The following DPYSL2 variants were observed in gnomAD, a reference collection of about 807,000 sequenced individuals.
DPYSL2 encodes dihydropyrimidinase like 2, also known as dihydropyrimidinase-related protein 2.
A neutral mutation model predicts 69.9 loss-of-function variants in DPYSL2; 13 were observed. The observed-to-expected ratio is 0.19, with a 90% confidence interval of 0.12 to 0.30. The LOEUF is 0.30. Among genes scored for constraint, DPYSL2 ranks in the 10% least tolerant of loss-of-function variants. The pLI is 1.00. For synonymous variants in DPYSL2, 326 were observed against 359.1 expected (o/e 0.91, Z 1.04); for missense variants, 587 against 918.9 (o/e 0.64, Z 4.67).
Position 26,624,457 on chromosome 8 carries a change from C to T in DPYSL2, c.793+150C>T, listed in dbSNP as rs546097469. 39 of 992,084 alleles carry T rather than the reference C, an allele frequency of 3.9e-5. No individual in the cohort carries two copies. Among genetic ancestry groups the T allele is most frequent in the Admixed American group, 5.0e-5 (2 of 40,236 alleles). The allele number at this position is 992,084 out of a possible 1,614,324, so 61.5% of individuals were successfully genotyped here. On this transcript the variant is annotated intron_variant, in intron 4 of 13. Transcript: ENST00000521913. The surrounding 1 kb of genome is among the most constrained non-coding windows in gnomAD (Gnocchi z 4.7). ...CTGGGAAGGAGAGAGGGCTTTGGGC[C>T]GCAGCTTATGCTGTTTGGAGGTGGC...
At position 26,653,918 on chromosome 8, in the gene DPYSL2, C is replaced by G. The variant is rs1268400398; in HGVS notation, c.1942+521C>G. ...TGGTTGGGTTTCAGAATCTTGAGAT[C>G]AGTTTGTGTCACACAATGCCCATAC... is the stretch of plus-strand genomic sequence containing the variant. On this transcript the variant is annotated intron_variant, in intron 13 of 13. Coordinates refer to ENST00000521913, the MANE Select transcript of DPYSL2 (RefSeq NM_001197293.3). This position sits in a 1 kb window ranked among gnomAD's most constrained non-coding sequence, Gnocchi z 5.7. Among the ~76,000 whole-genome samples, 3 of 152,180 alleles carry G rather than the reference C, an allele frequency of 2.0e-5. No individual in the cohort carries two copies. The highest frequency in any genetic ancestry group is 2.0e-4 in the Admixed American group (3 of 15,278).
intron 10 of DPYSL2, among the ~76,000 whole-genome samples, chr8:26,645,670 C>A: frequency 6.6e-6 from 1 of 152,036 alleles, no homozygotes; most frequent in Non-Finnish European, 1.5e-5. Context: ...CTGCCTCAGC[C>A]CCCTGAGTAG....
Position 26,627,524 on chromosome 8 carries a change from G to A in DPYSL2, c.936+229G>A, listed in dbSNP as rs761058172. On this transcript the variant is annotated intron_variant, in intron 6 of 13. Coordinates refer to ENST00000521913, the MANE Select transcript of DPYSL2 (RefSeq NM_001197293.3). This position sits in a 1 kb window ranked among gnomAD's most constrained non-coding sequence, Gnocchi z 6.9. ...AAGTCAGTTACTATTGCAGAGAGAG[G>A]CCATTTCTCTCGGTGCTGTAACGCA... 6.6e-6 allele frequency among the ~76,000 whole-genome samples: 1 copy of A among 152,170 alleles called. No homozygotes were observed. Among genetic ancestry groups the A allele is most frequent in the Non-Finnish European group, 1.5e-5 (1 of 68,036 alleles).
chr8:26,515,695 A>T (rs1808275029), intron 1 of DPYSL2, among the ~76,000 whole-genome samples: 1 of 152,172 alleles, frequency 6.6e-6, no homozygotes, highest in Non-Finnish European at 1.5e-5. Context: ...CACAGCCTTA[A>T]TTTCTTAACT....
At position 26,644,589 on chromosome 8, in the gene DPYSL2, G is replaced by A. The variant is rs561101267; in HGVS notation, c.1425+498G>A. On this transcript the variant is annotated intron_variant, in intron 10 of 13. Transcript: ENST00000521913. This position sits in a 1 kb window ranked among gnomAD's most constrained non-coding sequence, Gnocchi z 4.5. ...CAAAGTGCTGGGATTACAGGTGTGA[G>A]CCACCACGCCTGGCTTACCTGTATA... Among the ~76,000 whole-genome samples, 2 of 152,128 alleles carry A rather than the reference G, an allele frequency of 1.3e-5. No individual in the cohort carries two copies. Among genetic ancestry groups the A allele is most frequent in the African/African-American group, 4.8e-5 (2 of 41,518 alleles).
intron 8 of DPYSL2, among the ~76,000 whole-genome samples, chr8:26,638,525 C>G (rs1000194113): frequency 7.9e-5 from 12 of 152,186 alleles, no homozygotes; most frequent in Non-Finnish European, 1.2e-4. Context: ...GCCAGCACGA[C>G]TGCATCCTGC....
At position 26,571,051 on chromosome 8, in the gene DPYSL2, A is replaced by G. The variant is rs184196924; in HGVS notation, c.355-10918A>G. On this transcript the variant is annotated intron_variant, in intron 1 of 13. Coordinates refer to ENST00000521913, the MANE Select transcript of DPYSL2 (RefSeq NM_001197293.3). This position sits in a 1 kb window ranked among gnomAD's most constrained non-coding sequence, Gnocchi z 6.1. Reference sequence around the variant, plus strand: ...GGCAGACAAGTGGAATGAGAGGGATAATATTTACCACTCTTTCATAATGTT... The same window carrying G: ...GGCAGACAAGTGGAATGAGAGGGATGATATTTACCACTCTTTCATAATGTT... 1.7e-3 allele frequency among the ~76,000 whole-genome samples: 256 copies of G among 152,288 alleles called. 7 individuals carry two copies. Among genetic ancestry groups the G allele is most frequent in the Non-Finnish European group, 1.5e-4 (10 of 68,020 alleles).
intron 8 of DPYSL2, among the ~76,000 whole-genome samples, chr8:26,639,953 C>T (rs1289430184): frequency 2.0e-5 from 3 of 152,192 alleles, no homozygotes; most frequent in Non-Finnish European, 4.4e-5. Context: ...GAAAACCTGA[C>T]AGCACAGTCC....
At chr8:26,515,083 G>T (rs1189361575) in intron 1 of DPYSL2, among the ~76,000 whole-genome samples, 1 of 152,344 alleles carries the variant, frequency 6.6e-6, no homozygotes, top group East Asian at 1.9e-4. Flanking sequence ...GCGTGCGGTG[G>T]AGGCTTTGCG....
Position 26,582,157 on chromosome 8 carries a change from C to G in DPYSL2, c.443+100C>G. 1 of 887,898 alleles carries G rather than the reference C, an allele frequency of 1.1e-6. No homozygotes were observed. Among genetic ancestry groups the G allele is most frequent in the Non-Finnish European group, 1.8e-6 (1 of 561,916 alleles). The allele number at this position is 887,898 out of a possible 1,614,324, so 55.0% of individuals were successfully genotyped here. A position where few individuals can be genotyped will look rare whatever the true frequency, so the allele number is the denominator to read the frequency against. Reference sequence around the variant, plus strand: ...CCAAAGTATCAAACTTCAGGAACATCAGAGAGTGACCAACTTAGTATCTGT... The same window carrying G: ...CCAAAGTATCAAACTTCAGGAACATGAGAGAGTGACCAACTTAGTATCTGT... On this transcript the variant is annotated intron_variant, in intron 2 of 13. Coordinates refer to ENST00000521913, the MANE Select transcript of DPYSL2 (RefSeq NM_001197293.3). The surrounding 1 kb of genome is among the most constrained non-coding windows in gnomAD (Gnocchi z 4.1).
At position 26,565,766 on chromosome 8, in the gene DPYSL2, G is replaced by A. The variant is rs1356021069; in HGVS notation, c.355-16203G>A. ...GTTTCTGTTGAGTGGGCAGAGAAAG[G>A]TACAGGGTCCCCGCTCCATGCAATT... On this transcript the variant is annotated intron_variant, in intron 1 of 13. Coordinates refer to ENST00000521913, the MANE Select transcript of DPYSL2 (RefSeq NM_001197293.3). The surrounding 1 kb of genome is among the most constrained non-coding windows in gnomAD (Gnocchi z 4.1). Among the ~76,000 whole-genome samples the A allele has an allele frequency of 1.3e-5, 2 of 152,128 alleles. No individual in the cohort carries two copies. Among genetic ancestry groups the A allele is most frequent in the Non-Finnish European group, 2.9e-5 (2 of 68,026 alleles).
At position 26,634,733 on chromosome 8, in the gene DPYSL2, G is replaced by A. The variant is rs201884725; in HGVS notation, c.1006-47G>A. Reference sequence around the variant, plus strand: ...GGGTGGAGGATAAAGGTAGCGGCTCGTGGGGTGGGCTGAGCCACATTCTCA... The same window carrying A: ...GGGTGGAGGATAAAGGTAGCGGCTCATGGGGTGGGCTGAGCCACATTCTCA... On this transcript the variant is annotated intron_variant, in intron 7 of 13. Coordinates refer to ENST00000521913, the MANE Select transcript of DPYSL2 (RefSeq NM_001197293.3). 1.8e-5 allele frequency: 29 copies of A among 1,570,458 alleles called. 1 individual carries two copies. The South Asian group carries it at 2.2e-4, about 12-fold the overall frequency.
At chr8:26,636,941 C>A (rs559277960) in intron 8 of DPYSL2, among the ~76,000 whole-genome samples, 11 of 152,232 alleles carry the variant, frequency 7.2e-5, no homozygotes, top group Non-Finnish European at 7.4e-5. Flanking sequence ...GGGGTTTCAC[C>A]ATGTTGACCA....
chr8:26,636,569 T>C (rs1485984766), intron 8 of DPYSL2, among the ~76,000 whole-genome samples: 5 of 152,140 alleles, frequency 3.3e-5, no homozygotes, highest in African/African-American at 1.2e-4. Flanking sequence ...TCCCAGACTT[T>C]AGTTGGGGGA....
At chr8:26,628,997 G>A (rs997781022) in intron 7 of DPYSL2, among the ~76,000 whole-genome samples, 6 of 152,114 alleles carry the variant, frequency 3.9e-5, no homozygotes, top group Non-Finnish European at 8.8e-5. Flanking sequence ...GTACTGCCTC[G>A]GGTGCAGGAG....
At chr8:26,569,358 AAAAAAACAAAAACAAAAAC>A (rs1801200790) in intron 1 of DPYSL2, among the ~76,000 whole-genome samples, 1 of 119,324 alleles carries the variant, frequency 8.4e-6, no homozygotes, top group Admixed American at 8.8e-5. Context: ...TATCTCCAAA[AAAAAAACAAAAACAAAAAC>A]AAAAAAAAAC....
rs1801060996 is a variant in DPYSL2 at position 26,560,980 on chromosome 8, A to G, written c.355-20989A>G. Among the ~76,000 whole-genome samples, 1 of 152,132 alleles carries G rather than the reference A, an allele frequency of 6.6e-6. No homozygotes were observed. Among genetic ancestry groups the G allele is most frequent in the South Asian group, 2.1e-4 (1 of 4,814 alleles). ...AAGAGAGCAGCTGTCCACAGTTATT[A>G]ATGGTACCTTACACTACACAGTTGC... On this transcript the variant is annotated intron_variant, in intron 1 of 13. Coordinates refer to ENST00000521913, the MANE Select transcript of DPYSL2 (RefSeq NM_001197293.3). This position sits in a 1 kb window ranked among gnomAD's most constrained non-coding sequence, Gnocchi z 4.4.
rs141309466 is a variant in DPYSL2 at position 26,585,762 on chromosome 8, A to G, written c.628+1779A>G. Among the ~76,000 whole-genome samples, 1 of 152,354 alleles carries G rather than the reference A, an allele frequency of 6.6e-6. No individual in the cohort carries two copies. The highest frequency in any genetic ancestry group is 2.4e-5 in the African/African-American group (1 of 41,582). The stretch of plus-strand genomic sequence containing the variant: ...TCATCTGCCTCAGTTTGGAGTTCAC[A>G]GGGAGACCCTGCAGGCCCCTGGATT... On this transcript the variant is annotated intron_variant, in intron 3 of 13. Transcript: ENST00000521913. This position sits in a 1 kb window ranked among gnomAD's most constrained non-coding sequence, Gnocchi z 4.0.
chr8:26,564,229 A>T lies in DPYSL2; in HGVS notation c.355-17740A>T, dbSNP rs35020075. 0.098 allele frequency among the ~76,000 whole-genome samples: 14,957 copies of T among 152,250 alleles called. 828 individuals are homozygous for T. Among genetic ancestry groups the T allele is most frequent in the Non-Finnish European group, 0.12 (8,226 of 68,018 alleles). On this transcript the variant is annotated intron_variant, in intron 1 of 13. Coordinates refer to ENST00000521913, the MANE Select transcript of DPYSL2 (RefSeq NM_001197293.3). The surrounding 1 kb of genome is among the most constrained non-coding windows in gnomAD (Gnocchi z 4.8). ...CTAATGGAGTCAGGCGAAGAGGCCA[A>T]CTGTAGTGGGTTGAGAAGCAAATGG...
Sources: gnomAD v4.1 joint callset for allele counts (sites outside exome capture counted in the v4.1 genomes callset) on GRCh38, gnomAD v4.1.1 for gene constraint, Gnocchi (gnomAD v3.1) non-coding constraint, MANE v1.5 for transcripts, NCBI Gene and HGNC (gene_info 2026-07-23, HGNC 2026-07-21) for gene names.